The following SLC26A5 variants were observed in gnomAD, a reference collection of about 807,000 sequenced individuals.
The protein encoded by SLC26A5 is prestin.
A neutral mutation model predicts 81.0 loss-of-function variants in SLC26A5; 51 were observed. The observed-to-expected ratio is 0.63, with a 90% CI of 0.50 to 0.80. The LOEUF is 0.80. SLC26A5 is among the 30% of genes least tolerant of loss of function. The pLI, the probability that SLC26A5 is intolerant of heterozygous loss-of-function variation, is 0.00. For synonymous variants in SLC26A5, 325 were observed against 332.8 expected (o/e 0.98, Z 0.25); for missense variants, 771 against 905.8 (o/e 0.85, Z 1.91).
chr7:103,435,874 T>C (rs929708109), intron 2 of SLC26A5, among the ~76,000 whole-genome samples: 9 of 152,208 alleles, frequency 5.9e-5, no homozygotes, highest in African/African-American at 1.9e-4. Context: ...GTCATTTTAA[T>C]GGAGTTTTAG....
chr7:103,359,103 G>C (rs1282895243), intron 19 of SLC26A5, among the ~76,000 whole-genome samples: 1 of 140,874 alleles, frequency 7.1e-6, no homozygotes, highest in African/African-American at 2.6e-5. Context: ...CTCCCAAGTG[G>C]CTGGGACCAC....
At chr7:103,362,152 C>T (rs1820448855) in intron 19 of SLC26A5, 1 of 1,599,080 alleles carries the variant, frequency 6.3e-7, no homozygotes, top group East Asian at 2.2e-5. Flanking sequence ...CATTCATATC[C>T]TTGGCTTTGT....
At chr7:103,363,545 ATGAGAGTTTTT>A in intron 19 of SLC26A5, 1 of 1,016,508 alleles carries the variant, frequency 9.8e-7, no homozygotes, top group South Asian at 1.4e-5. Flanking sequence ...ATTTTCCCTA[ATGAGAGTTTTT>A]TGAGAGGGTG....
intron 4 of SLC26A5, among the ~76,000 whole-genome samples, chr7:103,414,308 C>T (rs1824742639): frequency 6.6e-6 from 1 of 151,862 alleles, no homozygotes. Context: ...ACCTCAGCCT[C>T]CCTAGTAGTT....
chr7:103,429,908 G>C (rs1264395328), intron 2 of SLC26A5, among the ~76,000 whole-genome samples: 1 of 152,126 alleles, frequency 6.6e-6, no homozygotes, highest in Admixed American at 6.5e-5. Context: ...TATTAGGTTG[G>C]TGCAAAAGTG....
chr7:103,391,867 G>T, intron 10 of SLC26A5, 132 bp from the exon 11 acceptor site: 1 of 757,256 alleles, frequency 1.3e-6, no homozygotes, highest in Non-Finnish European at 2.3e-6. Flanking sequence ...GTAAGAATTT[G>T]TTCAGCATGA....
At chr7:103,353,769 TTTGA>T (rs1819864697) in intron 19 of SLC26A5, 1 of 682,876 alleles carries the variant, frequency 1.5e-6, no homozygotes. Flanking sequence ...CCAGGAACTA[TTTGA>T]TTGAATATGT....
At chr7:103,441,854 C>T (rs2041005) in intron 2 of SLC26A5, among the ~76,000 whole-genome samples, 59,135 of 152,072 alleles carry the variant, frequency 0.39, 15,596 homozygotes, top group African/African-American at 0.74. Flanking sequence ...CAGCTCCCCC[C>T]GAATAACCTG....
chr7:103,410,327 A>G, intron 7 of SLC26A5, 58 bp downstream of exon 7: 1 of 1,404,174 alleles, frequency 7.1e-7, no homozygotes, highest in South Asian at 1.2e-5. Context: ...GATACAGAAG[A>G]GAAGGTTGGG....
chr7:103,412,414 T>G (rs1824556382), intron 5 of SLC26A5, among the ~76,000 whole-genome samples: 1 of 152,152 alleles, frequency 6.6e-6, no homozygotes. Context: ...CAAATTACAT[T>G]ATGAAATCAA....
At chr7:103,408,131 T>C in intron 7 of SLC26A5, 128 bp from the exon 8 acceptor site, 1 of 1,254,284 alleles carries the variant, frequency 8.0e-7, no homozygotes. Flanking sequence ...GTTCCAAGGC[T>C]GAAATCTCTC....
chr7:103,380,933 C>T (rs549420395), intron 14 of SLC26A5, among the ~76,000 whole-genome samples: 269 of 150,942 alleles, frequency 1.8e-3, no homozygotes, highest in Admixed American at 2.8e-3. Context: ...ACACATTATA[C>T]GATATACCAC....
chr7:103,413,540 CT>C (rs1824672712), intron 4 of SLC26A5, among the ~76,000 whole-genome samples: 1 of 152,088 alleles, frequency 6.6e-6, no homozygotes. Context: ...CCTCCTGACT[CT>C]TAGATATCCC....
chr7:103,432,765 G>A (rs942634221), intron 2 of SLC26A5, among the ~76,000 whole-genome samples: 2 of 152,030 alleles, frequency 1.3e-5, no homozygotes, highest in African/African-American at 4.8e-5. Flanking sequence ...ATATTTAATT[G>A]TGGAAGGGGA....
chr7:103,420,804 A>G lies in SLC26A5; in HGVS notation c.226T>C (p.Phe76Leu). ...AAGTCACCCAACACATATTCCTTGA[A>G]TTTGTATGCTGGCAGCCATTTAGTT... ...PITKWLPAYKFKEYVLGDLVS... is the reference protein window; with the variant it reads ...PITKWLPAYKLKEYVLGDLVS... Residue 76 changes from phenylalanine (F) to leucine (L), a missense_variant, in exon 4 of 20, where the codon TTC becomes CTC. Transcript: ENST00000306312. The G allele has an allele frequency of 6.2e-7, 1 of 1,614,120 alleles. No individual in the cohort carries two copies. Among genetic ancestry groups the G allele is most frequent in the Non-Finnish European group, 8.5e-7 (1 of 1,179,990 alleles).
chr7:103,420,479 T>C (rs546398314), intron 4 of SLC26A5, among the ~76,000 whole-genome samples: 3 of 152,082 alleles, frequency 2.0e-5, no homozygotes, highest in Admixed American at 2.0e-4. Context: ...TGTTTTTGTT[T>C]TGGTAGAGAC....
At chr7:103,437,277 G>A (rs1826519009) in intron 2 of SLC26A5, among the ~76,000 whole-genome samples, 1 of 152,218 alleles carries the variant, frequency 6.6e-6, no homozygotes, top group African/African-American at 2.4e-5. Context: ...AAAGATGAAT[G>A]ATAACAAGTG....
At position 103,374,976 on chromosome 7, in the gene SLC26A5, C is replaced by G. The variant is rs760253412; in HGVS notation, c.2042-384G>C. On this transcript the variant is annotated intron_variant, in intron 19 of 19. Coordinates refer to ENST00000306312, the MANE Select transcript of SLC26A5 (RefSeq NM_198999.3). Reference sequence around the variant, plus strand: ...TCTTATTTCCCACTTTTCTTATCCCCAAAACAGCATATTTTATATATTTGG... The same window carrying G: ...TCTTATTTCCCACTTTTCTTATCCCGAAAACAGCATATTTTATATATTTGG... Among the ~76,000 whole-genome samples the G allele has an allele frequency of 2.6e-3, 387 of 147,522 alleles. 1 individual carries two copies. The highest frequency in any genetic ancestry group is 3.6e-3 in the Admixed American group (54 of 14,804).
chr7:103,415,553 T>G (rs573434454), intron 4 of SLC26A5, among the ~76,000 whole-genome samples: 1 of 152,190 alleles, frequency 6.6e-6, no homozygotes, highest in African/African-American at 2.4e-5. Context: ...CTAAGTGCCC[T>G]TCACTGCACA....
Sources: allele counts gnomAD v4.1 joint callset (sites outside exome capture counted in the v4.1 genomes callset), GRCh38; gene constraint gnomAD v4.1.1; transcripts MANE v1.5; gene names NCBI Gene and HGNC (gene_info 2026-07-23, HGNC 2026-07-21).